The following IL10RB variants were observed in gnomAD, a reference collection of about 807,000 sequenced individuals.
IL10RB encodes the protein interleukin-10 receptor subunit beta.
IL10RB carries 30 observed loss-of-function variants against 38.7 expected under a neutral mutation model. The ratio of observed to expected loss-of-function variants is 0.78; its 90% CI spans 0.58 to 1.05. The LOEUF (loss-of-function observed/expected upper bound fraction) is 1.05, where lower values mean the gene tolerates loss of function less well. IL10RB is among the 50% of genes least tolerant of loss of function. The pLI, the probability that IL10RB is intolerant of heterozygous loss-of-function variation, is 0.00. For missense variants in IL10RB, 328 were observed against 397.1 expected (o/e 0.83, Z 1.48); for synonymous variants, 142 against 145.9 (o/e 0.97, Z 0.19).
chr21:33,288,213 A>G lies in IL10RB; in HGVS notation c.756A>G (p.Thr252=), dbSNP rs1413607754. The change falls in exon 6 of 7, where the codon ACA becomes ACG. Residue 252 remains threonine (T), a synonymous_variant. Coordinates refer to ENST00000290200, the MANE Select transcript of IL10RB (RefSeq NM_000628.5). ...FALLWCVYKK[T]KYAFSPRNSL... is the part of the protein sequence containing the mutation. ...TGCTGTGGTGCGTTTACAAGAAGAC[A>G]AAGTACGCCTTCTCCCCTAGGAATT... 6.2e-7 allele frequency: 1 copy of G among 1,613,920 alleles called. No homozygotes were observed. Among genetic ancestry groups the G allele is most frequent in the Non-Finnish European group, 8.5e-7 (1 of 1,179,926 alleles).
At chr21:33,302,698 G>A (rs796476832) in intron 1 of IL10RB, among the ~76,000 whole-genome samples, 16 of 152,296 alleles carry the variant, frequency 1.1e-4, no homozygotes, top group African/African-American at 3.9e-4. Flanking sequence ...TGAGAAGGAC[G>A]GCTTTTGGGC....
At chr21:33,294,397 G>C (rs2123603117) in intron 6 of IL10RB, among the ~76,000 whole-genome samples, 1 of 151,770 alleles carries the variant, frequency 6.6e-6, no homozygotes, top group South Asian at 2.1e-4. Context: ...GTGCGTGTGT[G>C]TGTGTGTGTG....
chr21:33,274,910 TCTC>T (rs1471669000), intron 2 of IL10RB, among the ~76,000 whole-genome samples: 1 of 152,212 alleles, frequency 6.6e-6, no homozygotes, highest in African/African-American at 2.4e-5. Context: ...GGCATTGACT[TCTC>T]CTCTGTAACT....
In IL10RB at chr21:33,282,950, G is replaced by T; in HGVS notation, c.499-144G>T. On this transcript the variant is annotated intron_variant, in intron 4 of 6. Transcript: ENST00000290200. ...GATGCACCCCCTGAGTGGCCTCAGGGTCCCTGAACTGAGAGGAGCACCTGC... is the reference window on the plus strand; with the variant it reads ...GATGCACCCCCTGAGTGGCCTCAGGTTCCCTGAACTGAGAGGAGCACCTGC... 5 of 710,960 alleles carry T rather than the reference G, an allele frequency of 7.0e-6. No individual in the cohort carries two copies. The South Asian group carries it at 7.7e-5, about 11-fold the overall frequency. The allele number at this position is 710,960 out of a possible 1,614,324, so 44.0% of individuals were successfully genotyped here.
chr21:33,267,868 A>G (rs1988999084), intron 1 of IL10RB: 1 of 187,502 alleles, frequency 5.3e-6, no homozygotes, highest in Non-Finnish European at 1.1e-5. Context: ...TCTCTAGCCC[A>G]CATCTCTTCT....
At position 33,294,208 on chromosome 21, in the gene IL10RB, C is replaced by T. The variant is rs971259400; in HGVS notation, c.805-1976C>T. On this transcript the variant is annotated intron_variant, in intron 6 of 6. Coordinates refer to ENST00000290200, the MANE Select transcript of IL10RB (RefSeq NM_000628.5). Reference sequence around the variant, plus strand: ...ACTACGGAGCAGTTCGAGGTCCTCACATCACGACTTTCTCCAGCTTGACTC... The same window carrying T: ...ACTACGGAGCAGTTCGAGGTCCTCATATCACGACTTTCTCCAGCTTGACTC... 7 of 343,892 alleles carry T rather than the reference C, an allele frequency of 2.0e-5. No homozygotes were observed. The Admixed American group carries it at 2.7e-4, about 13-fold the overall frequency. The allele number at this position is 343,892 out of a possible 1,614,324, so 21.3% of individuals were successfully genotyped here. A position where few individuals can be genotyped will look rare whatever the true frequency, so the allele number is the denominator to read the frequency against.
At position 33,296,682 on chromosome 21, in the gene IL10RB, C is replaced by T. The variant is rs1240415249; in HGVS notation, c.*325C>T. 1.4e-5 allele frequency: 6 copies of T among 432,056 alleles called. No homozygotes were observed. The highest frequency in any genetic ancestry group is 7.9e-5 in the Admixed American group (3 of 38,180). The allele number at this position is 432,056 out of a possible 1,614,324, so 26.8% of individuals were successfully genotyped here. A position where few individuals can be genotyped will look rare whatever the true frequency, so the allele number is the denominator to read the frequency against. Reference sequence around the variant, plus strand: ...TGAGAAACAGGGCCGAGCACAGTGGCTCACGCCTGTAATACCAGCACCTTA... The same window carrying T: ...TGAGAAACAGGGCCGAGCACAGTGGTTCACGCCTGTAATACCAGCACCTTA... On this transcript the variant is annotated 3_prime_UTR_variant, in exon 7 of 7. Transcript: ENST00000290200.
At chr21:33,283,048 C>G (rs763507429) in intron 4 of IL10RB, 46 bp from the exon 5 acceptor site, 1 of 1,488,236 alleles carries the variant, frequency 6.7e-7, no homozygotes, top group Non-Finnish European at 9.4e-7. Context: ...AAAGGTGGTG[C>G]CCTTCCACTG....
chr21:33,276,220 G>T (rs1024029350), intron 2 of IL10RB, among the ~76,000 whole-genome samples: 10 of 152,260 alleles, frequency 6.6e-5, no homozygotes, highest in Admixed American at 2.0e-4. Flanking sequence ...GGGCATCAAC[G>T]TTGTATATGT....
intron 1 of IL10RB, 59 bp downstream of exon 1, chr21:33,266,573 C>T: frequency 6.7e-7 from 1 of 1,498,798 alleles, no homozygotes; most frequent in African/African-American, 1.4e-5. Flanking sequence ...CGAGATGCCG[C>T]CCCTGATCCC....
chr21:33,296,098 G>A, intron 6 of IL10RB, 86 bp from the exon 7 acceptor site: 3 of 935,666 alleles, frequency 3.2e-6, no homozygotes, highest in South Asian at 1.4e-5. Flanking sequence ...AGATTTTCCA[G>A]CCAGGAGTTC....
chr21:33,283,339 A>G, intron 5 of IL10RB, 98 bp downstream of exon 5: 1 of 1,258,412 alleles, frequency 7.9e-7, no homozygotes, highest in Non-Finnish European at 1.2e-6. Context: ...AGCTCAGTTC[A>G]GAAATCTATC....
chr21:33,267,672 C>G (rs753171169), intron 1 of IL10RB, among the ~76,000 whole-genome samples: 1 of 151,628 alleles, frequency 6.6e-6, no homozygotes, highest in Non-Finnish European at 1.5e-5. Context: ...TGTGCCACTA[C>G]GCCTGGCTAA....
At chr21:33,297,873 GT>G (rs1254917724), downstream of IL10RB, among the ~76,000 whole-genome samples, 3 of 151,950 alleles carry the variant, frequency 2.0e-5, no homozygotes, top group African/African-American at 7.3e-5. Context: ...AAAAGGAAGG[GT>G]ATTAGGGTTC....
At chr21:33,295,555 C>G (rs901836037) in intron 6 of IL10RB, among the ~76,000 whole-genome samples, 3 of 149,980 alleles carry the variant, frequency 2.0e-5, no homozygotes, top group African/African-American at 7.4e-5. Context: ...ACCTGTAGTC[C>G]CAGCTACTCA....
downstream of IL10RB, among the ~76,000 whole-genome samples, chr21:33,300,957 C>G (rs1190468755): frequency 6.6e-6 from 1 of 152,190 alleles, no homozygotes; most frequent in Non-Finnish European, 1.5e-5. Flanking sequence ...AAACTTAATC[C>G]AGCACGGAAA....
intron 4 of IL10RB, among the ~76,000 whole-genome samples, chr21:33,281,559 C>T (rs954446092): frequency 2.0e-5 from 3 of 152,192 alleles, no homozygotes; most frequent in Non-Finnish European, 4.4e-5. Context: ...TCACAGGTGC[C>T]TGTGATGCCA....
chr21:33,300,193 A>G (rs541994644), downstream of IL10RB, among the ~76,000 whole-genome samples: 87 of 152,288 alleles, frequency 5.7e-4, no homozygotes, highest in Non-Finnish European at 8.4e-4. Flanking sequence ...TAATCCCAGC[A>G]CTTTGGGAGG....
intron 6 of IL10RB, chr21:33,294,076 C>T (rs555058685): frequency 9.2e-4 from 435 of 470,988 alleles, no homozygotes; most frequent in Middle Eastern, 4.2e-3. Context: ...GGCATAAGCT[C>T]TCACCTCCGA....
Sources: gnomAD v4.1 joint callset for allele counts (sites outside exome capture counted in the v4.1 genomes callset) on GRCh38, gnomAD v4.1.1 for gene constraint, MANE v1.5 for transcripts, NCBI Gene and HGNC (gene_info 2026-07-23, HGNC 2026-07-21) for gene names.